Variants in NKAIN3 observed in about 807,000 individuals in gnomAD.
NKAIN3 encodes sodium/potassium transporting ATPase interacting 3, also known as sodium/potassium-transporting ATPase subunit beta-1-interacting protein 3.
Under a neutral mutation model 30.2 loss-of-function variants are expected in NKAIN3, and 25 were observed. That is an observed-to-expected ratio of 0.83 (90% CI 0.60 to 1.16). The LOEUF (loss-of-function observed/expected upper bound fraction) is 1.16, where lower values mean the gene tolerates loss of function less well. Among genes scored for constraint, NKAIN3 ranks in the 50% most tolerant of loss-of-function variants. NKAIN3 has a pLI of 0.00. For missense variants in NKAIN3, 225 were observed against 254.1 expected, an observed-to-expected ratio of 0.89 and a Z score of 0.78; for synonymous variants, 91 against 89.6, an observed-to-expected ratio of 1.02 and a Z score of -0.09.
chr8:62,445,675 T>A (rs1261450329), intron 1 of NKAIN3, among the ~76,000 whole-genome samples: 1 of 152,128 alleles, frequency 6.6e-6, no homozygotes, highest in Non-Finnish European at 1.5e-5. Flanking sequence ...AGAGTTTCAT[T>A]CTGTATTGGT....
intron 4 of NKAIN3, among the ~76,000 whole-genome samples, chr8:62,820,492 G>A (rs902605624): frequency 6.6e-6 from 1 of 152,108 alleles, no homozygotes; most frequent in Middle Eastern, 3.2e-3. Context: ...CTTGGGGAGG[G>A]AGGACGTAAT....
intron 1 of NKAIN3, among the ~76,000 whole-genome samples, chr8:62,295,669 A>C (rs1813803088): frequency 6.6e-6 from 1 of 152,240 alleles, no homozygotes; most frequent in Non-Finnish European, 1.5e-5. Context: ...TCTAACAAAA[A>C]GAGAAAATCC....
chr8:62,375,631 G>A (rs1254611647), intron 1 of NKAIN3, among the ~76,000 whole-genome samples: 3 of 151,968 alleles, frequency 2.0e-5, no homozygotes, highest in East Asian at 1.9e-4. Context: ...ATTACCAATC[G>A]GAGAGACAGA....
intron 4 of NKAIN3, among the ~76,000 whole-genome samples, chr8:62,914,641 G>T (rs1466184267): frequency 6.6e-6 from 1 of 152,114 alleles, no homozygotes; most frequent in African/African-American, 2.4e-5. Flanking sequence ...TTGCTGACAA[G>T]AATGGATTGC....
chr8:62,731,684 G>A (rs534693052), intron 3 of NKAIN3, among the ~76,000 whole-genome samples: 10 of 152,158 alleles, frequency 6.6e-5, no homozygotes, highest in East Asian at 3.9e-4. Context: ...GTTAGCCCCC[G>A]AAACCGCAAA....
intron 1 of NKAIN3, among the ~76,000 whole-genome samples, chr8:62,529,481 G>A (rs1230169338): frequency 2.0e-5 from 3 of 152,220 alleles, no homozygotes; most frequent in Admixed American, 2.0e-4. Context: ...AGGTGATTGG[G>A]ACATGAGGGT....
chr8:62,983,472 C>A lies in NKAIN3; in HGVS notation c.*18065C>A, dbSNP rs559748903. 10 of 152,298 alleles carry A rather than the reference C, an allele frequency of 6.6e-5. No homozygotes were observed. Among genetic ancestry groups the A allele is most frequent in the African/African-American group, 2.2e-4 (9 of 41,556 alleles). The allele number at this position is 152,298 out of a possible 1,614,324, so 9.4% of individuals were successfully genotyped here. A position where few individuals can be genotyped will look rare whatever the true frequency, so the allele number is the denominator to read the frequency against. ...TAAGCATTCAACAAACACTTAGTGACCATCTGTCTTGTGCAAAAAGCTTGG... is the reference window on the plus strand; with the variant it reads ...TAAGCATTCAACAAACACTTAGTGAACATCTGTCTTGTGCAAAAAGCTTGG... On this transcript the variant is annotated 3_prime_UTR_variant, in exon 7 of 7. Transcript: ENST00000623646.
At chr8:62,864,484 G>A (rs902502919) in intron 4 of NKAIN3, among the ~76,000 whole-genome samples, 2 of 152,126 alleles carry the variant, frequency 1.3e-5, no homozygotes, top group Non-Finnish European at 2.9e-5. Context: ...AAATACTGAG[G>A]AATATAATCT....
intron 1 of NKAIN3, among the ~76,000 whole-genome samples, chr8:62,541,960 A>G (rs1033500239): frequency 6.6e-6 from 1 of 152,200 alleles, no homozygotes; most frequent in Non-Finnish European, 1.5e-5. Flanking sequence ...GAGTTAATAA[A>G]AAACTCCATT....
At chr8:62,368,069 A>G (rs190395004) in intron 1 of NKAIN3, among the ~76,000 whole-genome samples, 4 of 152,322 alleles carry the variant, frequency 2.6e-5, no homozygotes, top group African/African-American at 7.2e-5. Flanking sequence ...AAAGAACTTG[A>G]TGACACAAAT....
At chr8:62,952,115 G>T (rs985881160) in intron 5 of NKAIN3, among the ~76,000 whole-genome samples, 3 of 152,096 alleles carry the variant, frequency 2.0e-5, no homozygotes, top group African/African-American at 7.2e-5. Flanking sequence ...AAGCCTTTTA[G>T]ATGTTCATTC....
chr8:62,825,026 A>C (rs746154590), intron 4 of NKAIN3, among the ~76,000 whole-genome samples: 1 of 152,226 alleles, frequency 6.6e-6, no homozygotes, highest in Non-Finnish European at 1.5e-5. Flanking sequence ...GGGGCAGGCA[A>C]GAAAGGAAAT....
At chr8:62,281,334 T>A (rs1042209525) in intron 1 of NKAIN3, among the ~76,000 whole-genome samples, 2 of 152,162 alleles carry the variant, frequency 1.3e-5, no homozygotes, top group Non-Finnish European at 2.9e-5. Flanking sequence ...AGCTCCTGGA[T>A]TCATGGATTT....
chr8:62,839,476 G>A (rs1819468172), intron 4 of NKAIN3, among the ~76,000 whole-genome samples: 1 of 152,090 alleles, frequency 6.6e-6, no homozygotes, highest in Non-Finnish European at 1.5e-5. Context: ...GAAATGCTTA[G>A]TAAAAGGAAG....
At chr8:62,885,513 G>A (rs1399980233) in intron 4 of NKAIN3, among the ~76,000 whole-genome samples, 1 of 152,178 alleles carries the variant, frequency 6.6e-6, no homozygotes, top group African/African-American at 2.4e-5. Context: ...TGATGGTTGT[G>A]TTGAGTTCAA....
Position 62,983,355 on chromosome 8 carries a change from T to C in NKAIN3, c.*17948T>C, listed in dbSNP as rs1469827316. 2.6e-5 allele frequency: 4 copies of C among 152,082 alleles called. No homozygotes were observed. The highest frequency in any genetic ancestry group is 9.7e-5 in the African/African-American group (4 of 41,374). 9.4% of individuals were successfully genotyped at this position (152,082 alleles called of 1,614,324 possible). A position where few individuals can be genotyped will look rare whatever the true frequency, so the allele number is the denominator to read the frequency against. On this transcript the variant is annotated 3_prime_UTR_variant, in exon 7 of 7. Coordinates refer to ENST00000623646, the MANE Select transcript of NKAIN3 (RefSeq NM_001304533.3). ...GGGCTCTGCACAAGCCGGGCTCTGATAGGAGGTGCCAGTGCTTTTCTTCTT... is the reference window on the plus strand; with the variant it reads ...GGGCTCTGCACAAGCCGGGCTCTGACAGGAGGTGCCAGTGCTTTTCTTCTT...
chr8:62,917,579 AC>A (rs1822145904), intron 4 of NKAIN3, among the ~76,000 whole-genome samples: 1 of 152,234 alleles, frequency 6.6e-6, no homozygotes, highest in Non-Finnish European at 1.5e-5. Flanking sequence ...AGCCTTTGAC[AC>A]CAGGACTATC....
At position 62,966,750 on chromosome 8, in the gene NKAIN3, G is replaced by A. The variant is rs12547830; in HGVS notation, c.*1343G>A. 0.15 allele frequency among the ~76,000 whole-genome samples: 23,423 copies of A among 152,062 alleles called. 1,983 individuals are homozygous for A. The highest frequency in any genetic ancestry group is 0.35 in the East Asian group (1,831 of 5,168). ...ATAAGTTTTGCTCACTTTGTGTAAC[G>A]ACCACAGTGAAGCTCCCTATAGGCC... On this transcript the variant is annotated 3_prime_UTR_variant, in exon 7 of 7. Transcript: ENST00000623646.
At chr8:62,807,891 G>A (rs1197879392) in intron 4 of NKAIN3, among the ~76,000 whole-genome samples, 1 of 151,148 alleles carries the variant, frequency 6.6e-6, no homozygotes, top group East Asian at 1.9e-4. Flanking sequence ...ATAAAAATGA[G>A]ATTGTGATTA....
Sources: allele counts gnomAD v4.1 joint callset (sites outside exome capture counted in the v4.1 genomes callset), GRCh38; gene constraint gnomAD v4.1.1; transcripts MANE v1.5; gene names NCBI Gene and HGNC (gene_info 2026-07-23, HGNC 2026-07-21).